The following PAN3 variants were observed in gnomAD, a reference collection of about 807,000 sequenced individuals.
The protein encoded by PAN3 is PAN2-PAN3 deadenylation complex subunit PAN3.
In PAN3, 19 loss-of-function variants were observed where a neutral mutation model predicts 96.2. The ratio of observed to expected loss-of-function variants is 0.20; its 90% CI spans 0.14 to 0.29. The LOEUF (loss-of-function observed/expected upper bound fraction) is 0.29. PAN3 is among the 10% of genes least tolerant of loss of function. The pLI is 1.00. For synonymous variants in PAN3, 433 were observed against 406.6 expected (o/e 1.06, Z -0.78); for missense variants, 882 against 1,108.1 (o/e 0.80, Z 2.90).
intron 4 of PAN3, among the ~76,000 whole-genome samples, chr13:28,185,762 A>T (rs1197811806): frequency 6.6e-6 from 1 of 152,184 alleles, no homozygotes; most frequent in Non-Finnish European, 1.5e-5. Context: ...TTGAGTTCTT[A>T]TACACAGTAA....
intron 4 of PAN3, among the ~76,000 whole-genome samples, chr13:28,192,342 A>G (rs1877398529): frequency 6.6e-6 from 1 of 152,228 alleles, no homozygotes; most frequent in South Asian, 2.1e-4. Context: ...TGCTGGGATT[A>G]TAGGCGTGAG....
At chr13:28,242,739 T>C (rs554203534) in intron 6 of PAN3, among the ~76,000 whole-genome samples, 12 of 152,186 alleles carry the variant, frequency 7.9e-5, no homozygotes, top group Non-Finnish European at 1.5e-4. Flanking sequence ...TATCAATCTT[T>C]AGAGAATTTG....
At chr13:28,227,980 T>A (rs1882178079) in intron 6 of PAN3, among the ~76,000 whole-genome samples, 1 of 152,210 alleles carries the variant, frequency 6.6e-6, no homozygotes, top group Non-Finnish European at 1.5e-5. Flanking sequence ...ATGTTTCCGA[T>A]CTGTTTCATA....
chr13:28,290,166 TG>T (rs1427730953), intron 18 of PAN3, among the ~76,000 whole-genome samples: 1 of 152,218 alleles, frequency 6.6e-6, no homozygotes, highest in Non-Finnish European at 1.5e-5. Flanking sequence ...ATTTACCGTC[TG>T]ACCCTTTATA....
At chr13:28,238,204 T>C (rs1346131148) in intron 6 of PAN3, among the ~76,000 whole-genome samples, 24 of 152,202 alleles carry the variant, frequency 1.6e-4, no homozygotes, top group Non-Finnish European at 4.4e-5. Context: ...TGCAGCACTT[T>C]TCTTAGCTGA....
At chr13:28,167,901 A>G (rs2138064081) in intron 1 of PAN3, among the ~76,000 whole-genome samples, 2 of 152,330 alleles carry the variant, frequency 1.3e-5, no homozygotes, top group East Asian at 3.9e-4. Context: ...TAAGCAATTA[A>G]GAGAAGCAAT....
chr13:28,153,786 A>G (rs1871717767), intron 1 of PAN3, among the ~76,000 whole-genome samples: 1 of 152,200 alleles, frequency 6.6e-6, no homozygotes, highest in Non-Finnish European at 1.5e-5. Context: ...ATAATTGGAA[A>G]TGCATGTGGT....
chr13:28,270,514 A>C (rs1886522567), intron 12 of PAN3, among the ~76,000 whole-genome samples, 187 bp from the exon 13 acceptor site: 1 of 152,266 alleles, frequency 6.6e-6, no homozygotes, highest in Admixed American at 6.5e-5. Flanking sequence ...TAAAAGGCAT[A>C]ATCTCGGACA....
intron 14 of PAN3, among the ~76,000 whole-genome samples, chr13:28,276,185 G>T (rs1887042596): frequency 1.3e-5 from 2 of 152,158 alleles, no homozygotes; most frequent in African/African-American, 4.8e-5. Context: ...ACGAGGGGAT[G>T]GCTACTGCTG....
chr13:28,284,571 A>C (rs1868746263), intron 17 of PAN3, among the ~76,000 whole-genome samples: 1 of 152,042 alleles, frequency 6.6e-6, no homozygotes, highest in Non-Finnish European at 1.5e-5. Context: ...CTTCATATTA[A>C]AAATGTTTTA....
At chr13:28,139,443 C>G (rs1404109113) in intron 1 of PAN3, among the ~76,000 whole-genome samples, 1 of 149,834 alleles carries the variant, frequency 6.7e-6, no homozygotes, top group African/African-American at 2.5e-5. Context: ...TTTGCAGGCA[C>G]ATGTGTTTTG....
chr13:28,139,507 G>GGGGTGTTTGTGTGTGT (rs1869344117), intron 1 of PAN3, among the ~76,000 whole-genome samples: 1 of 111,690 alleles, frequency 9.0e-6, no homozygotes, highest in Admixed American at 8.5e-5. Context: ...AGTGGGGAGG[G>GGGGTGTTTGTGTGTGT]GTGTGTTTGT....
intron 1 of PAN3, among the ~76,000 whole-genome samples, chr13:28,173,599 A>G (rs983613247): frequency 3.3e-5 from 5 of 152,212 alleles, no homozygotes; most frequent in African/African-American, 4.8e-5. Context: ...GGGTTTCTCA[A>G]TGACTGCCTG....
intron 6 of PAN3, among the ~76,000 whole-genome samples, chr13:28,229,289 T>A (rs972129733): frequency 3.9e-5 from 6 of 152,214 alleles, no homozygotes; most frequent in Non-Finnish European, 7.3e-5. Flanking sequence ...AATAACTGAT[T>A]TATCTAGCGT....
chr13:28,158,660 C>T (rs113775523), intron 1 of PAN3, among the ~76,000 whole-genome samples: 5 of 152,168 alleles, frequency 3.3e-5, no homozygotes, highest in South Asian at 2.1e-4. Context: ...AGGTGGATCA[C>T]GAGGTCAGGA....
At chr13:28,146,957 T>A (rs749591668) in intron 1 of PAN3, among the ~76,000 whole-genome samples, 10 of 151,104 alleles carry the variant, frequency 6.6e-5, no homozygotes, top group Non-Finnish European at 1.0e-4. Context: ...CATTCCAGCC[T>A]GGTGACAAAG....
At chr13:28,186,954 C>T (rs1046597169) in intron 4 of PAN3, among the ~76,000 whole-genome samples, 3 of 152,132 alleles carry the variant, frequency 2.0e-5, no homozygotes, top group African/African-American at 7.2e-5. Context: ...TGGCTCATGC[C>T]TGTACTATCA....
chr13:28,254,833 A>G (rs927446106), intron 6 of PAN3, among the ~76,000 whole-genome samples: 2 of 152,002 alleles, frequency 1.3e-5, no homozygotes, highest in Non-Finnish European at 2.9e-5. Context: ...GGAGTACTAG[A>G]TTGGGAATTT....
At chr13:28,200,101 C>T (rs1216156344) in intron 5 of PAN3, among the ~76,000 whole-genome samples, 1 of 152,134 alleles carries the variant, frequency 6.6e-6, no homozygotes, top group African/African-American at 2.4e-5. Context: ...ATATTTGAGT[C>T]CACTTTTGTC....
Sources: gnomAD v4.1 joint callset for allele counts (sites outside exome capture counted in the v4.1 genomes callset) on GRCh38, gnomAD v4.1.1 for gene constraint, MANE v1.5 for transcripts, NCBI Gene and HGNC (gene_info 2026-07-23, HGNC 2026-07-21) for gene names.